FRK: variants seen among roughly 807,000 people sequenced by gnomAD.
FRK encodes tyrosine-protein kinase FRK.
In FRK, 51 loss-of-function variants were observed where a neutral mutation model predicts 56.4. The ratio of observed to expected loss-of-function variants is 0.90; its 90% confidence interval spans 0.72 to 1.14. The LOEUF is 1.14. Ranked by LOEUF, FRK falls within the 50% of genes most tolerant of loss-of-function variation. The pLI, the probability that FRK is intolerant of heterozygous loss-of-function variation, is 0.00. For missense variants in FRK, 570 were observed against 601.4 expected (o/e 0.95, Z 0.55); for synonymous variants, 245 against 217.9 (o/e 1.12, Z -1.10).
intron 2 of FRK, among the ~76,000 whole-genome samples, chr6:115,984,700 G>T (rs1774325926): frequency 1.3e-5 from 2 of 148,606 alleles, no homozygotes; most frequent in African/African-American, 5.0e-5. Flanking sequence ...AATCTCAGTT[G>T]AAATATCCTA....
At chr6:116,005,089 T>G (rs962542714) in intron 1 of FRK, among the ~76,000 whole-genome samples, 4 of 152,084 alleles carry the variant, frequency 2.6e-5, no homozygotes, top group Non-Finnish European at 5.9e-5. Flanking sequence ...AATGACACAA[T>G]TGTAAGGCAG....
chr6:116,056,058 T>G lies in FRK; in HGVS notation c.344+3910A>C, dbSNP rs138209509. On this transcript the variant is annotated intron_variant, in intron 1 of 7. Coordinates refer to ENST00000606080, the MANE Select transcript of FRK (RefSeq NM_002031.3). ...TCAGTGGCTGGCTTATGTGATTATGTCCACCCCATTCCCCTCCTACCAATC... is the reference window on the plus strand; with the variant it reads ...TCAGTGGCTGGCTTATGTGATTATGGCCACCCCATTCCCCTCCTACCAATC... 2.4e-4 allele frequency among the ~76,000 whole-genome samples: 36 copies of G among 152,240 alleles called. 1 individual carries two copies. In the East Asian group the frequency reaches 6.6e-3, roughly 28 times the overall value.
intron 5 of FRK, among the ~76,000 whole-genome samples, chr6:115,948,991 T>C (rs2196940): frequency 0.17 from 25,944 of 152,106 alleles, 3,064 homozygotes; most frequent in Middle Eastern, 0.3. Flanking sequence ...GTTAGAAAAA[T>C]GAAGGAAGTT....
chr6:116,095,298 T>C, the FRK span, among the ~76,000 whole-genome samples: 1 of 152,216 alleles, frequency 6.6e-6, no homozygotes, highest in Non-Finnish European at 1.5e-5. Flanking sequence ...TTAGGAAAAT[T>C]GCCTAATAAT....
intron 1 of FRK, among the ~76,000 whole-genome samples, chr6:116,026,351 T>G (rs1052302537): frequency 6.6e-6 from 1 of 152,146 alleles, no homozygotes; most frequent in Admixed American, 6.6e-5. Context: ...AGTTGAGAAG[T>G]GTGCAGCAAA....
chr6:115,989,451 A>C (rs560374949), intron 2 of FRK, among the ~76,000 whole-genome samples: 1 of 151,396 alleles, frequency 6.6e-6, no homozygotes, highest in South Asian at 2.1e-4. Flanking sequence ...TTCCCATCCT[A>C]CCCCTTTGTT....
At chr6:116,041,834 A>C (rs565081675) in intron 1 of FRK, among the ~76,000 whole-genome samples, 20 of 152,252 alleles carry the variant, frequency 1.3e-4, no homozygotes, top group Non-Finnish European at 2.6e-4. Flanking sequence ...TTGGGCAGAC[A>C]CCAAGCTAGC....
At chr6:116,020,440 C>G (rs944406812) in intron 1 of FRK, among the ~76,000 whole-genome samples, 1 of 151,956 alleles carries the variant, frequency 6.6e-6, no homozygotes, top group Non-Finnish European at 1.5e-5. Context: ...TACAGGCACA[C>G]GCCACCACAT....
the FRK span, among the ~76,000 whole-genome samples, chr6:116,082,151 C>T: frequency 1.6e-4 from 24 of 151,908 alleles, no homozygotes; most frequent in Non-Finnish European, 3.1e-4. Context: ...GAGCTTGTAC[C>T]GCATATTTGA....
intron 1 of FRK, among the ~76,000 whole-genome samples, chr6:116,031,266 T>C (rs1020104868): frequency 6.6e-6 from 1 of 152,158 alleles, no homozygotes; most frequent in Non-Finnish European, 1.5e-5. Flanking sequence ...ATATGTACAC[T>C]GATTACTTTC....
rs1344336312 is a variant in FRK, at chr6:115,936,544, G to A, written c.*5870C>T. ...AAACTCCTCCAAGCTAAAGGAGCAT[G>A]TTCTAACCCAATGCAAGGAAGTTAA... On this transcript the variant is annotated 3_prime_UTR_variant, in exon 8 of 8. Coordinates refer to ENST00000606080, the MANE Select transcript of FRK (RefSeq NM_002031.3). The A allele has an allele frequency of 6.6e-6, 1 of 152,154 alleles. No homozygotes were observed. The highest frequency in any genetic ancestry group is 2.4e-5 in the African/African-American group (1 of 41,422). 9.4% of individuals were successfully genotyped at this position (152,154 alleles called of 1,614,324 possible).
chr6:116,097,553 TAG>T, the FRK span, among the ~76,000 whole-genome samples: 1 of 152,220 alleles, frequency 6.6e-6, no homozygotes, highest in Non-Finnish European at 1.5e-5. Flanking sequence ...TGAGATATTA[TAG>T]AGTCTAAAGC....
chr6:116,072,530 A>AACAC, the FRK span, among the ~76,000 whole-genome samples: 2,840 of 144,920 alleles, frequency 0.02, 37 homozygotes, highest in African/African-American at 0.04. Context: ...AGGTTAAATA[A>AACAC]ACACACACAC....
upstream of FRK, among the ~76,000 whole-genome samples, chr6:116,063,619 A>G (rs1777693476): frequency 6.6e-6 from 1 of 152,190 alleles, no homozygotes; most frequent in South Asian, 2.1e-4. Context: ...GACAGGAGGA[A>G]TAAATGATAA....
Position 115,997,015 on chromosome 6 carries a change from T to G in FRK, c.466+6862A>C, listed in dbSNP as rs145349184. On this transcript the variant is annotated intron_variant, in intron 2 of 7. Coordinates refer to ENST00000606080, the MANE Select transcript of FRK (RefSeq NM_002031.3). ...ACAAAGTTACAAATCCAGAGTATCA[T>G]TCAAGTTAATCATCCATATTATTCA... Among the ~76,000 whole-genome samples, 56 of 152,300 alleles carry G rather than the reference T, an allele frequency of 3.7e-4. No individual in the cohort carries two copies. The East Asian group carries it at 8.9e-3, about 24-fold the overall frequency.
chr6:116,028,324 C>T (rs1776173655), intron 1 of FRK, among the ~76,000 whole-genome samples: 1 of 152,068 alleles, frequency 6.6e-6, no homozygotes, highest in Non-Finnish European at 1.5e-5. Context: ...AAATTTCAGT[C>T]TTTTGATTAT....
chr6:115,959,672 G>A (rs1009966805), intron 4 of FRK, among the ~76,000 whole-genome samples: 3 of 152,134 alleles, frequency 2.0e-5, no homozygotes, highest in Admixed American at 2.0e-4. Context: ...CAGCCCCATG[G>A]AGGCTAACAT....
intron 2 of FRK, among the ~76,000 whole-genome samples, chr6:115,970,002 G>T (rs528815890): frequency 6.6e-6 from 1 of 152,156 alleles, no homozygotes; most frequent in Non-Finnish European, 1.5e-5. Context: ...ATGCTATTCT[G>T]CATTCCTTGC....
the FRK span, among the ~76,000 whole-genome samples, chr6:116,075,845 G>A: frequency 6.6e-6 from 1 of 152,158 alleles, no homozygotes; most frequent in African/African-American, 2.4e-5. Flanking sequence ...AAAGTGAGGA[G>A]AGTGACAAGA....
Sources: allele counts gnomAD v4.1 joint callset (sites outside exome capture counted in the v4.1 genomes callset), GRCh38; gene constraint gnomAD v4.1.1; transcripts MANE v1.5; gene names NCBI Gene and HGNC (gene_info 2026-07-23, HGNC 2026-07-21).